The following MARCHF1 variants were observed in gnomAD, a reference collection of about 807,000 sequenced individuals.
MARCHF1 encodes membrane associated ring-CH-type finger 1.
A neutral mutation model predicts 54.2 loss-of-function variants in MARCHF1; 40 were observed. The observed-to-expected ratio is 0.74, with a 90% CI of 0.57 to 0.96. MARCHF1 has a LOEUF of 0.96. MARCHF1 is among the 40% of genes least tolerant of loss of function. The pLI is 0.00. For synonymous variants in MARCHF1, 236 were observed against 236.3 expected, an observed-to-expected ratio of 1.00 and a Z score of 0.01; for missense variants, 586 against 656.5, an observed-to-expected ratio of 0.89 and a Z score of 1.17.
chr4:163,908,936 T>TA (rs1196567285), intron 3 of MARCHF1, among the ~76,000 whole-genome samples: 1 of 152,040 alleles, frequency 6.6e-6, no homozygotes, highest in Non-Finnish European at 1.5e-5. Flanking sequence ...TGGGGACCAA[T>TA]AGGATTCTCA....
At chr4:163,991,165 G>T (rs551971767) in intron 2 of MARCHF1, among the ~76,000 whole-genome samples, 1 of 152,056 alleles carries the variant, frequency 6.6e-6, no homozygotes, top group Non-Finnish European at 1.5e-5. Flanking sequence ...ATTTTACATG[G>T]TAAACAAGAA....
chr4:163,892,430 T>C (rs1162514688), intron 3 of MARCHF1, among the ~76,000 whole-genome samples: 1 of 152,018 alleles, frequency 6.6e-6, no homozygotes, highest in Non-Finnish European at 1.5e-5. Flanking sequence ...CCTGTAGAGC[T>C]TAGTTTAAAA....
intron 2 of MARCHF1, among the ~76,000 whole-genome samples, chr4:163,997,500 C>A (rs1343779238): frequency 6.6e-6 from 1 of 151,934 alleles, no homozygotes; most frequent in Non-Finnish European, 1.5e-5. Flanking sequence ...GGGAGATATA[C>A]AACTACTTAC....
chr4:163,544,981 A>G (rs1184128587), intron 9 of MARCHF1, among the ~76,000 whole-genome samples: 2 of 152,172 alleles, frequency 1.3e-5, no homozygotes, highest in Non-Finnish European at 2.9e-5. Flanking sequence ...TTTTATAGAC[A>G]TTGTGCTTTC....
intron 3 of MARCHF1, among the ~76,000 whole-genome samples, chr4:163,929,510 G>A (rs1363474756): frequency 6.6e-6 from 1 of 150,380 alleles, no homozygotes; most frequent in East Asian, 1.9e-4. Context: ...TTTCAGAAAA[G>A]CTCTTACAGT....
intron 1 of MARCHF1, among the ~76,000 whole-genome samples, chr4:164,307,408 T>C (rs1450186444): frequency 6.6e-6 from 1 of 152,192 alleles, no homozygotes; most frequent in African/African-American, 2.4e-5. Flanking sequence ...CTGTTTACTC[T>C]TCTGAGGCTG....
intron 2 of MARCHF1, among the ~76,000 whole-genome samples, chr4:164,051,159 T>C (rs929044724): frequency 6.6e-6 from 1 of 152,268 alleles, no homozygotes; most frequent in East Asian, 1.9e-4. Flanking sequence ...CCAATTGAAT[T>C]CCCAGATTTT....
At chr4:163,853,145 A>G (rs775325441) in intron 4 of MARCHF1, among the ~76,000 whole-genome samples, 1 of 152,228 alleles carries the variant, frequency 6.6e-6, no homozygotes, top group Admixed American at 6.5e-5. Context: ...CAGCCCAAAC[A>G]TACTAAGATA....
At chr4:164,148,371 A>T (rs966121901) in intron 1 of MARCHF1, among the ~76,000 whole-genome samples, 1 of 152,144 alleles carries the variant, frequency 6.6e-6, no homozygotes, top group African/African-American at 2.4e-5. Flanking sequence ...CATACCCCAT[A>T]GATCTTGGTT....
chr4:163,721,168 T>C (rs1745443680), intron 4 of MARCHF1, among the ~76,000 whole-genome samples: 1 of 152,214 alleles, frequency 6.6e-6, no homozygotes, highest in Non-Finnish European at 1.5e-5. Flanking sequence ...TGCGTGTTTG[T>C]CATAAATATC....
chr4:163,716,562 G>A (rs73868670), intron 4 of MARCHF1, among the ~76,000 whole-genome samples: 3,544 of 152,246 alleles, frequency 0.023, 74 homozygotes, highest in African/African-American at 0.057. Context: ...ATTAATACAC[G>A]CCTTTTGCCG....
Position 163,632,604 on chromosome 4 carries a change from G to A in MARCHF1, c.163-19211C>T, listed in dbSNP as rs570273675. On this transcript the variant is annotated intron_variant, in intron 5 of 9. Transcript: ENST00000514618. Reference sequence around the variant, plus strand: ...CTGGCTTGGAGGGTCCTATGCCCACGGAGTCTCGCTGATTGTTAGCACAGC... The same window carrying A: ...CTGGCTTGGAGGGTCCTATGCCCACAGAGTCTCGCTGATTGTTAGCACAGC... Among the ~76,000 whole-genome samples the A allele has an allele frequency of 2.0e-4, 31 of 152,294 alleles. No homozygotes were observed. The East Asian group carries it at 2.5e-3, about 12-fold the overall frequency.
chr4:163,867,173 C>T (rs1455217246), intron 3 of MARCHF1, among the ~76,000 whole-genome samples: 2 of 151,918 alleles, frequency 1.3e-5, no homozygotes, highest in Admixed American at 1.3e-4. Context: ...TAGGGACTCG[C>T]CATGAGTCAC....
At position 163,806,249 on chromosome 4, in the gene MARCHF1, T is replaced by C. The variant is rs568304659; in HGVS notation, c.111+47772A>G. Reference sequence around the variant, plus strand: ...CCATCTGTCTGACATCCTTCTTTTATTTCTCAGTTGGCTCCACATTCTGGG... The same window carrying C: ...CCATCTGTCTGACATCCTTCTTTTACTTCTCAGTTGGCTCCACATTCTGGG... On this transcript the variant is annotated intron_variant, in intron 4 of 9. Transcript: ENST00000514618. Among the ~76,000 whole-genome samples, 3 of 152,350 alleles carry C rather than the reference T, an allele frequency of 2.0e-5. No homozygotes were observed. The South Asian group carries it at 6.2e-4, about 32-fold the overall frequency.
intron 1 of MARCHF1, among the ~76,000 whole-genome samples, chr4:164,324,550 A>G (rs1234899055): frequency 6.6e-6 from 1 of 151,548 alleles, no homozygotes; most frequent in Non-Finnish European, 1.5e-5. Context: ...TCTATACTCA[A>G]TGTAATAATT....
chr4:163,986,881 T>C (rs911764616), intron 3 of MARCHF1, among the ~76,000 whole-genome samples: 2 of 152,214 alleles, frequency 1.3e-5, no homozygotes, highest in Non-Finnish European at 2.9e-5. Flanking sequence ...AGACCTGGAA[T>C]TGACACAATG....
intron 3 of MARCHF1, among the ~76,000 whole-genome samples, chr4:163,927,563 A>T (rs1751563391): frequency 6.6e-6 from 1 of 151,818 alleles, no homozygotes; most frequent in African/African-American, 2.4e-5. Flanking sequence ...CTTGATTCTG[A>T]TATTCATTTT....
In MARCHF1 at chr4:163,985,518, C is replaced by T. The variant is rs1752845938; in HGVS notation, c.-39+2983G>A. On this transcript the variant is annotated intron_variant, in intron 3 of 9. Coordinates refer to ENST00000514618, the MANE Select transcript of MARCHF1 (RefSeq NM_001394959.1). ...AATCTTAAAATATAAAAGATCTATG[C>T]TGTTAAAAAATCAACAAAAGAATTT... 2.0e-5 allele frequency among the ~76,000 whole-genome samples: 3 copies of T among 152,044 alleles called. 1 individual carries two copies. Among genetic ancestry groups the T allele is most frequent in the African/African-American group, 7.2e-5 (3 of 41,428 alleles).
chr4:163,794,725 C>A (rs557451690), intron 4 of MARCHF1, among the ~76,000 whole-genome samples: 1 of 152,090 alleles, frequency 6.6e-6, no homozygotes, highest in Admixed American at 6.6e-5. Flanking sequence ...AAATTCTATA[C>A]ATATAATTAT....
Sources: allele counts gnomAD v4.1 joint callset (sites outside exome capture counted in the v4.1 genomes callset), GRCh38; gene constraint gnomAD v4.1.1; transcripts MANE v1.5; gene names NCBI Gene and HGNC (gene_info 2026-07-23, HGNC 2026-07-21).